Variants in MAPRE2 observed in about 807,000 individuals in gnomAD.
MAPRE2 encodes microtubule associated protein RP/EB family member 2.
MAPRE2 carries 13 observed loss-of-function variants against 43.2 expected under a neutral mutation model. The observed-to-expected ratio is 0.30, with a 90% CI of 0.20 to 0.48. MAPRE2 has a LOEUF of 0.48. MAPRE2 is among the 20% of genes least tolerant of loss of function. The pLI, the probability that MAPRE2 is intolerant of heterozygous loss-of-function variation, is 0.99. For synonymous variants in MAPRE2, 135 were observed against 148.8 expected (o/e 0.91, Z 0.68); for missense variants, 161 against 400.2 (o/e 0.40, Z 5.10).
chr18:35,039,007 A>G (rs189611042), upstream of MAPRE2, among the ~76,000 whole-genome samples: 1 of 152,354 alleles, frequency 6.6e-6, no homozygotes, highest in East Asian at 1.9e-4. Context: ...CAGACTAGAA[A>G]CAAAGTGGGT....
chr18:35,075,052 G>A (rs1258998106), intron 2 of MAPRE2, among the ~76,000 whole-genome samples: 4 of 152,156 alleles, frequency 2.6e-5, no homozygotes, highest in South Asian at 4.1e-4. Flanking sequence ...AAATTGGTGC[G>A]AGCTTTGTCT....
chr18:35,140,198 C>A (rs1336165483), intron 6 of MAPRE2, 97 bp from the exon 7 acceptor site: 2 of 1,100,598 alleles, frequency 1.8e-6, no homozygotes, highest in Non-Finnish European at 2.7e-6. Context: ...CCCTCCACAG[C>A]CTTGAGACGC....
chr18:35,121,126 T>G (rs1350106004), intron 4 of MAPRE2, among the ~76,000 whole-genome samples: 3 of 152,252 alleles, frequency 2.0e-5, no homozygotes, highest in Non-Finnish European at 4.4e-5. Flanking sequence ...AGCAGAGTCT[T>G]GGCCATGAAG....
chr18:35,137,476 T>C (rs773087130), intron 6 of MAPRE2, among the ~76,000 whole-genome samples: 4 of 152,234 alleles, frequency 2.6e-5, no homozygotes, highest in Admixed American at 6.5e-5. Flanking sequence ...TAGCCCACAA[T>C]AAACTCCCAG....
At chr18:34,983,698 T>C (rs116922778) in intron 1 of MAPRE2, among the ~76,000 whole-genome samples, 4,806 of 152,254 alleles carry the variant, frequency 0.032, 108 homozygotes, top group Non-Finnish European at 0.036. Context: ...GGTACTGTCT[T>C]GGCTCACTGC....
chr18:35,037,383 C>A (rs1450046210), upstream of MAPRE2, among the ~76,000 whole-genome samples: 1 of 152,214 alleles, frequency 6.6e-6, no homozygotes, highest in Non-Finnish European at 1.5e-5. Context: ...CATTATTACC[C>A]TACTTTATCG....
At chr18:35,033,591 CAT>C (rs2097048916) in intron 2 of MAPRE2, among the ~76,000 whole-genome samples, 1 of 151,540 alleles carries the variant, frequency 6.6e-6, no homozygotes, top group Non-Finnish European at 1.5e-5. Context: ...TTGCAGATGA[CAT>C]GATTGTATAT....
intron 1 of MAPRE2, among the ~76,000 whole-genome samples, chr18:35,063,398 C>CAT (rs1906657594): frequency 6.6e-6 from 1 of 151,760 alleles, no homozygotes; most frequent in Non-Finnish European, 1.5e-5. Context: ...TGAGCCACTG[C>CAT]GCCCGGCCTC....
chr18:35,080,967 A>C (rs1907602243), intron 2 of MAPRE2, among the ~76,000 whole-genome samples: 1 of 152,214 alleles, frequency 6.6e-6, no homozygotes, highest in African/African-American at 2.4e-5. Context: ...GAAGCATATA[A>C]ATGTGAAACT....
Position 35,097,609 on chromosome 18 carries a change from C to T in MAPRE2, c.396+18C>T. The T allele has an allele frequency of 6.3e-7, 1 of 1,594,414 alleles. No homozygotes were observed. The highest frequency in any genetic ancestry group is 1.1e-5 in the South Asian group (1 of 89,010). On this transcript the variant is annotated intron_variant, in intron 3 of 6. Coordinates refer to ENST00000300249, the MANE Select transcript of MAPRE2 (RefSeq NM_014268.4). ...TTGATAAGGTAGGAGACTTGTACCTCCATAAAATGTGTTGTTTTTTCTTAA... is the reference window on the plus strand; with the variant it reads ...TTGATAAGGTAGGAGACTTGTACCTTCATAAAATGTGTTGTTTTTTCTTAA...
At chr18:34,980,456 G>C (rs994380853) in intron 1 of MAPRE2, among the ~76,000 whole-genome samples, 1 of 152,062 alleles carries the variant, frequency 6.6e-6, no homozygotes, top group Non-Finnish European at 1.5e-5. Context: ...TTCTCATAGG[G>C]GCCTCAGTGT....
chr18:35,117,301 C>T (rs552435496), intron 4 of MAPRE2, among the ~76,000 whole-genome samples: 1 of 152,318 alleles, frequency 6.6e-6, no homozygotes, highest in East Asian at 1.9e-4. Flanking sequence ...CCTGTGGCCT[C>T]AGACCGTGTC....
chr18:35,024,822 G>A (rs1171572936), intron 2 of MAPRE2, among the ~76,000 whole-genome samples: 1 of 152,070 alleles, frequency 6.6e-6, no homozygotes, highest in South Asian at 2.1e-4. Context: ...ACCTCTGAGG[G>A]GACTGATTCT....
intron 2 of MAPRE2, among the ~76,000 whole-genome samples, chr18:35,007,742 T>C (rs2097032486): frequency 6.6e-6 from 1 of 152,224 alleles, no homozygotes; most frequent in African/African-American, 2.4e-5. Flanking sequence ...TGCACCCTCC[T>C]TTATTTAACC....
At chr18:34,986,259 G>A (rs2097020947) in intron 1 of MAPRE2, among the ~76,000 whole-genome samples, 1 of 151,980 alleles carries the variant, frequency 6.6e-6, no homozygotes, top group South Asian at 2.1e-4. Context: ...GAGATGACAG[G>A]GCCTGAAACC....
At chr18:34,994,453 G>A (rs909936277) in intron 1 of MAPRE2, among the ~76,000 whole-genome samples, 1 of 151,010 alleles carries the variant, frequency 6.6e-6, no homozygotes, top group African/African-American at 2.4e-5. Context: ...TGGTCAAACT[G>A]GGGCTGCCAA....
chr18:35,017,143 T>C (rs1168714537), intron 2 of MAPRE2, among the ~76,000 whole-genome samples: 1 of 151,894 alleles, frequency 6.6e-6, no homozygotes, highest in Non-Finnish European at 1.5e-5. Context: ...TACTCTGTTC[T>C]GTTAGCCTGT....
chr18:35,037,485 C>G (rs76105108), upstream of MAPRE2, among the ~76,000 whole-genome samples: 1,513 of 152,306 alleles, frequency 9.9e-3, 22 homozygotes, highest in African/African-American at 0.034. Context: ...CAGGCCCCCT[C>G]TTTAATGCTG....
chr18:35,015,503 A>G (rs547212524), intron 2 of MAPRE2, among the ~76,000 whole-genome samples: 1 of 152,226 alleles, frequency 6.6e-6, no homozygotes, highest in East Asian at 1.9e-4. Context: ...AGTAAGTGGT[A>G]GAGCCAAGAT....
Sources: gnomAD v4.1 joint callset for allele counts (sites outside exome capture counted in the v4.1 genomes callset) on GRCh38, gnomAD v4.1.1 for gene constraint, MANE v1.5 for transcripts, NCBI Gene and HGNC (gene_info 2026-07-23, HGNC 2026-07-21) for gene names.